TRIM55: variants seen among roughly 807,000 people sequenced by gnomAD.
The protein encoded by TRIM55 is tripartite motif containing 55, also known as tripartite motif-containing protein 55.
In TRIM55, 50 loss-of-function variants were observed where a neutral mutation model predicts 60.9. That is an observed-to-expected ratio of 0.82 (90% CI 0.65 to 1.04). The LOEUF is 1.04. TRIM55 is among the 50% of genes least tolerant of loss of function. The probability of loss-of-function intolerance (pLI) is 0.00; values close to 1 mark genes in which losing one functional copy is unlikely to be tolerated. For missense variants in TRIM55, 681 were observed against 666.9 expected, an observed-to-expected ratio of 1.02 and a Z score of -0.23; for synonymous variants, 237 against 238.1, an observed-to-expected ratio of 1.00 and a Z score of 0.04.
intron 4 of TRIM55, among the ~76,000 whole-genome samples, chr8:66,148,549 T>G (rs1194866599): frequency 1.3e-5 from 2 of 152,204 alleles, no homozygotes; most frequent in Admixed American, 1.3e-4. Flanking sequence ...GAGTTTGCAG[T>G]GGTGACTTGG....
chr8:66,126,807 G>A (rs117341956), upstream of TRIM55: 466 of 153,760 alleles, frequency 3.0e-3, 1 homozygote, highest in Middle Eastern at 6.6e-3. Flanking sequence ...TCTGTGCTGC[G>A]TTCTGCCCCT....
At chr8:66,122,885 G>T (rs1297152803), upstream of TRIM55, among the ~76,000 whole-genome samples, 1 of 152,192 alleles carries the variant, frequency 6.6e-6, no homozygotes, top group South Asian at 2.1e-4. Flanking sequence ...GGCCCTGAAA[G>T]AAATTGAAGT....
intron 4 of TRIM55, among the ~76,000 whole-genome samples, chr8:66,142,797 G>T (rs1488391511): frequency 2.0e-5 from 3 of 152,212 alleles, no homozygotes; most frequent in African/African-American, 7.2e-5. Flanking sequence ...ATCCCAGCCT[G>T]GGTGCCCAGA....
chr8:66,127,376 T>G lies in TRIM55; in HGVS notation c.108T>G (p.Pro36=), dbSNP rs1380258823. Residue 36 remains proline, a synonymous_variant, in exon 1 of 10, where the codon CCT becomes CCG. Coordinates refer to ENST00000315962, the MANE Select transcript of TRIM55 (RefSeq NM_184085.2). The stretch of plus-strand genomic sequence containing the variant: ...TCTGCTTAGAGATGTTCACGAAACC[T>G]GTGGTGATTCTCCCTTGTCAGCACA... ...CPICLEMFTK[P]VVILPCQHNL... is the part of the protein sequence containing the mutation. 1 of 1,614,158 alleles carries G rather than the reference T, an allele frequency of 6.2e-7. No homozygotes were observed. Among genetic ancestry groups the G allele is most frequent in the Non-Finnish European group, 8.5e-7 (1 of 1,180,006 alleles).
At chr8:66,137,641 C>G (rs1159291208) in intron 4 of TRIM55, among the ~76,000 whole-genome samples, 2 of 151,970 alleles carry the variant, frequency 1.3e-5, no homozygotes, top group East Asian at 3.9e-4. Flanking sequence ...GAAAGATCTG[C>G]CTAGCTGTAG....
chr8:66,159,569 G>C (rs1810932730), intron 9 of TRIM55, among the ~76,000 whole-genome samples: 1 of 152,206 alleles, frequency 6.6e-6, no homozygotes, highest in Non-Finnish European at 1.5e-5. Context: ...GGAATTGCTG[G>C]ATTGTATGGT....
chr8:66,168,860 T>C (rs1201425237), intron 9 of TRIM55, among the ~76,000 whole-genome samples: 2 of 152,228 alleles, frequency 1.3e-5, no homozygotes, highest in African/African-American at 4.8e-5. Context: ...AGGTAAAGTA[T>C]TATCTGGCAG....
intron 4 of TRIM55, among the ~76,000 whole-genome samples, chr8:66,147,809 A>AC (rs1395701944): frequency 1.4e-5 from 2 of 147,234 alleles, no homozygotes; most frequent in African/African-American, 5.3e-5. Flanking sequence ...AAAAAAAAAA[A>AC]AAAAAAAACC....
At chr8:66,140,444 A>G (rs1809740562) in intron 4 of TRIM55, among the ~76,000 whole-genome samples, 1 of 152,270 alleles carries the variant, frequency 6.6e-6, no homozygotes, top group African/African-American at 2.4e-5. Context: ...AGATCAGTTT[A>G]GGTGGCTCAT....
intron 4 of TRIM55, among the ~76,000 whole-genome samples, chr8:66,143,738 T>A (rs28759026): frequency 0.015 from 2,237 of 152,302 alleles, 31 homozygotes; most frequent in Non-Finnish European, 0.026. Context: ...ATTATTTCAA[T>A]CTATATTTCT....
chr8:66,139,347 G>C (rs1415542073), intron 4 of TRIM55, among the ~76,000 whole-genome samples: 2 of 152,122 alleles, frequency 1.3e-5, no homozygotes, highest in African/African-American at 4.8e-5. Context: ...AGTCCTGGGG[G>C]GTCCATCTGG....
rs369216022 is a variant in TRIM55, at chr8:66,154,182, C to A, written c.1372C>A (p.Pro458Thr). Residue 458 changes from proline to threonine, a missense_variant, in exon 9 of 10, where the codon CCT becomes ACT. Transcript: ENST00000315962. ...GQTRKATTNP[P>T]CTPGSEGLGQ... ...AACCCGGAAAGCCACCACCAACCCA[C>A]CTTGCACCCCAGGGAGCGAAGGTCT... The A allele has an allele frequency of 2.4e-5, 39 of 1,614,034 alleles. No individual in the cohort carries two copies. Among genetic ancestry groups the A allele is most frequent in the Non-Finnish European group, 3.2e-5 (38 of 1,180,042 alleles).
chr8:66,126,579 A>T (rs1178817385), upstream of TRIM55, among the ~76,000 whole-genome samples: 1 of 152,232 alleles, frequency 6.6e-6, no homozygotes, highest in Non-Finnish European at 1.5e-5. Flanking sequence ...ATTTGAATTT[A>T]GCTTTTAAAT....
chr8:66,140,332 A>G (rs1219905448), intron 4 of TRIM55, among the ~76,000 whole-genome samples: 2 of 152,254 alleles, frequency 1.3e-5, no homozygotes, highest in African/African-American at 4.8e-5. Context: ...TGCCTCCCTT[A>G]TGTATTCCTG....
At chr8:66,146,151 A>G (rs933175686) in intron 4 of TRIM55, among the ~76,000 whole-genome samples, 1 of 152,244 alleles carries the variant, frequency 6.6e-6, no homozygotes, top group Non-Finnish European at 1.5e-5. Flanking sequence ...GCCAGGTAAT[A>G]TTATAAGCAC....
intron 9 of TRIM55, among the ~76,000 whole-genome samples, chr8:66,156,279 A>T (rs1188713900): frequency 1.3e-5 from 2 of 152,148 alleles, no homozygotes; most frequent in Non-Finnish European, 2.9e-5. Flanking sequence ...GAGGTCCCTG[A>T]GAGAAAGATG....
At chr8:66,170,618 T>TA (rs900895960) in intron 9 of TRIM55, among the ~76,000 whole-genome samples, 189 of 151,070 alleles carry the variant, frequency 1.3e-3, no homozygotes, top group Middle Eastern at 6.8e-3. Flanking sequence ...GAATTCACAT[T>TA]AAAAAAAAAT....
chr8:66,150,599 A>G (rs1447916230), intron 7 of TRIM55, 133 bp downstream of exon 7: 5 of 1,011,024 alleles, frequency 4.9e-6, no homozygotes, highest in Non-Finnish European at 7.3e-6. Context: ...GATCATATCC[A>G]ATGTGAAGCT....
intron 1 of TRIM55, among the ~76,000 whole-genome samples, chr8:66,127,716 T>G (rs1444981184): frequency 6.6e-6 from 1 of 151,282 alleles, no homozygotes; most frequent in Non-Finnish European, 1.5e-5. Context: ...GCACCTATAA[T>G]CTCAGGTACT....
Sources: allele counts gnomAD v4.1 joint callset (sites outside exome capture counted in the v4.1 genomes callset), GRCh38; gene constraint gnomAD v4.1.1; transcripts MANE v1.5; gene names NCBI Gene and HGNC (gene_info 2026-07-23, HGNC 2026-07-21).